Variants in ST3GAL1 observed in about 807,000 individuals in gnomAD.
The protein encoded by ST3GAL1 is ST3 beta-galactoside alpha-2,3-sialyltransferase 1.
Under a neutral mutation model 34.1 loss-of-function variants are expected in ST3GAL1, and 16 were observed. The observed-to-expected ratio is 0.47, with a 90% confidence interval of 0.32 to 0.71. The LOEUF is 0.71. ST3GAL1 is among the 30% of genes least tolerant of loss of function. ST3GAL1 has a pLI of 0.04. For missense variants in ST3GAL1, 353 were observed against 447.4 expected (o/e 0.79, Z 1.90); for synonymous variants, 191 against 184.7 (o/e 1.03, Z -0.28).
intron 1 of ST3GAL1, among the ~76,000 whole-genome samples, chr8:133,558,988 A>G (rs546336739): frequency 7.1e-4 from 107 of 151,612 alleles, no homozygotes; most frequent in Non-Finnish European, 1.3e-3. Flanking sequence ...TGTGCATATC[A>G]GGTGAACTGC....
rs1172519181 is a variant in ST3GAL1, at chr8:133,541,082, C to CATATAT, written c.-429+4686_-429+4691dup. Among the ~76,000 whole-genome samples, 41 of 48,708 alleles carry CATATAT rather than the reference C, an allele frequency of 8.4e-4. 3 individuals are homozygous for CATATAT. The highest frequency in any genetic ancestry group is 3.3e-3 in the African/African-American group (40 of 11,970). 32.0% of individuals were successfully genotyped at this position (48,708 alleles called of 152,430 possible). ...ATATATATATAGACATATATATAGA[C>CATATAT]ATATATATATAAACATATATATATA... On this transcript the variant is annotated intron_variant, in intron 2 of 9. Coordinates refer to ENST00000522652, the MANE Select transcript of ST3GAL1 (RefSeq NM_173344.3).
chr8:133,507,750 C>T (rs1421912130), intron 2 of ST3GAL1, among the ~76,000 whole-genome samples: 1 of 152,192 alleles, frequency 6.6e-6, no homozygotes, highest in African/African-American at 2.4e-5. Flanking sequence ...TAGCAAATTA[C>T]GCCCGGTGAC....
At chr8:133,465,000 C>T in intron 6 of ST3GAL1, 43 bp from the exon 7 acceptor site, 1 of 1,575,228 alleles carries the variant, frequency 6.3e-7, no homozygotes, top group South Asian at 1.2e-5. Context: ...AGCACGGGCA[C>T]CCGTTCTCAG....
chr8:133,502,333 T>C (rs1214805927), intron 2 of ST3GAL1, among the ~76,000 whole-genome samples: 2 of 151,658 alleles, frequency 1.3e-5, no homozygotes, highest in African/African-American at 4.8e-5. Context: ...ACCCTCAAGA[T>C]GACTGTATTT....
chr8:133,563,672 T>C (rs1237802741), intron 1 of ST3GAL1, among the ~76,000 whole-genome samples: 8 of 152,194 alleles, frequency 5.3e-5, no homozygotes, highest in Admixed American at 5.2e-4. Context: ...AGTAAGGAAT[T>C]TCCCCCGTAA....
At chr8:133,546,879 G>A (rs1818687471) in intron 1 of ST3GAL1, among the ~76,000 whole-genome samples, 1 of 152,060 alleles carries the variant, frequency 6.6e-6, no homozygotes, top group Admixed American at 6.5e-5. Context: ...CATGGCGCAT[G>A]CCTATAGTCC....
chr8:133,559,338 A>G (rs1416357779), intron 1 of ST3GAL1, among the ~76,000 whole-genome samples: 1 of 152,152 alleles, frequency 6.6e-6, no homozygotes, highest in Non-Finnish European at 1.5e-5. Context: ...TCGCAGGGAG[A>G]AACAGAAAAT....
chr8:133,531,940 T>A (rs547824295), intron 2 of ST3GAL1, among the ~76,000 whole-genome samples: 1 of 152,258 alleles, frequency 6.6e-6, no homozygotes, highest in East Asian at 1.9e-4. Flanking sequence ...AAAGCCATTT[T>A]CATAATGAGA....
intron 1 of ST3GAL1, among the ~76,000 whole-genome samples, chr8:133,549,636 A>G (rs1397033045): frequency 2.0e-5 from 3 of 151,858 alleles, no homozygotes; most frequent in Non-Finnish European, 4.4e-5. Flanking sequence ...CCAAATTCCA[A>G]CTGACAAGTT....
intron 2 of ST3GAL1, among the ~76,000 whole-genome samples, chr8:133,530,004 A>C (rs1257529405): frequency 6.6e-6 from 1 of 152,264 alleles, no homozygotes; most frequent in Non-Finnish European, 1.5e-5. Flanking sequence ...ATTTATTAGA[A>C]GTCTCCTTGA....
rs1563739210 is a variant in ST3GAL1, at chr8:133,551,606, GAAA to G, written c.-581-5683_-581-5681del. Among the ~76,000 whole-genome samples, 185 of 148,542 alleles carry G rather than the reference GAAA, an allele frequency of 1.2e-3. 1 individual carries two copies. The highest frequency in any genetic ancestry group is 4.3e-3 in the African/African-American group (172 of 39,926). Reference sequence around the variant, plus strand: ...AGAAAGAAAGAAAGAAAGAAAGAAAGAAAGAAAGAAAGAGCGAGCAAGCCTTTC... The same window carrying G: ...AGAAAGAAAGAAAGAAAGAAAGAAAGGAAAGAAAGAGCGAGCAAGCCTTTC... On this transcript the variant is annotated intron_variant, in intron 1 of 9. Transcript: ENST00000522652.
At chr8:133,493,730 C>T (rs770437050) in intron 3 of ST3GAL1, among the ~76,000 whole-genome samples, 132 of 152,198 alleles carry the variant, frequency 8.7e-4, no homozygotes, top group Admixed American at 1.9e-3. Flanking sequence ...CCTGTAGTCC[C>T]AGCTACTCGG....
At chr8:133,464,747 G>C (rs1464688758) in intron 7 of ST3GAL1, 31 bp downstream of exon 7, 1 of 1,596,452 alleles carries the variant, frequency 6.3e-7, no homozygotes, top group Non-Finnish European at 8.6e-7. Flanking sequence ...AAGGGGCAGA[G>C]CAGCGAGGCG....
At chr8:133,554,813 G>A (rs1228802232) in intron 1 of ST3GAL1, among the ~76,000 whole-genome samples, 2 of 148,160 alleles carry the variant, frequency 1.3e-5, no homozygotes, top group Non-Finnish European at 3.0e-5. Flanking sequence ...TGCAACCTCC[G>A]CCTCCTGGAT....
At chr8:133,501,663 C>T (rs538860174) in intron 2 of ST3GAL1, among the ~76,000 whole-genome samples, 2 of 152,092 alleles carry the variant, frequency 1.3e-5, no homozygotes, top group Non-Finnish European at 2.9e-5. Flanking sequence ...GCAGCAGAAT[C>T]GCTTGAACCC....
chr8:133,482,700 G>A (rs1310513855), intron 3 of ST3GAL1, among the ~76,000 whole-genome samples: 3 of 152,190 alleles, frequency 2.0e-5, no homozygotes, highest in South Asian at 2.1e-4. Context: ...GATCCTGGCC[G>A]GCTGGCTTCA....
chr8:133,456,231 G>C lies in ST3GAL1; in HGVS notation c.*3533C>G, dbSNP rs1029050804. 2.0e-5 allele frequency: 3 copies of C among 152,236 alleles called. No individual in the cohort carries two copies. The highest frequency in any genetic ancestry group is 4.4e-5 in the Non-Finnish European group (3 of 68,058). 9.4% of individuals were successfully genotyped at this position (152,236 alleles called of 1,614,324 possible). ...CTTTCTCCCCTAAAAGGTGGCTGAG[G>C]GGAGGAGAGGTGCATGTAGCTCCAG... On this transcript the variant is annotated 3_prime_UTR_variant, in exon 10 of 10. Coordinates refer to ENST00000522652, the MANE Select transcript of ST3GAL1 (RefSeq NM_173344.3).
rs576277412 is a variant in ST3GAL1 at position 133,518,972 on chromosome 8, C to T, written c.-428-19783G>A. On this transcript the variant is annotated intron_variant, in intron 2 of 9. Transcript: ENST00000522652. Reference sequence around the variant, plus strand: ...CAGGCTGCTATTGACAAGGGCAGCCCGTGGAGGGAAGAGAGGAGGCCTGAG... The same window carrying T: ...CAGGCTGCTATTGACAAGGGCAGCCTGTGGAGGGAAGAGAGGAGGCCTGAG... 7.9e-5 allele frequency among the ~76,000 whole-genome samples: 12 copies of T among 152,074 alleles called. No homozygotes were observed. In the South Asian group the frequency reaches 1.2e-3, roughly 16 times the overall value.
At chr8:133,460,283 G>A (rs1331920123) in intron 9 of ST3GAL1, among the ~76,000 whole-genome samples, 1 of 152,168 alleles carries the variant, frequency 6.6e-6, no homozygotes, top group East Asian at 1.9e-4. Context: ...GGAGGGCGTG[G>A]AATGGAAGAG....
Sources: gnomAD v4.1 joint callset for allele counts (sites outside exome capture counted in the v4.1 genomes callset) on GRCh38, gnomAD v4.1.1 for gene constraint, MANE v1.5 for transcripts, NCBI Gene and HGNC (gene_info 2026-07-23, HGNC 2026-07-21) for gene names.